The following STARD13 variants were observed in gnomAD, a reference collection of about 807,000 sequenced individuals.
The protein encoded by STARD13 is StAR related lipid transfer domain containing 13, also known as stAR-related lipid transfer protein 13.
A neutral mutation model predicts 106.4 loss-of-function variants in STARD13; 62 were observed. That is an observed-to-expected ratio of 0.58 (90% CI 0.48 to 0.72). The LOEUF (loss-of-function observed/expected upper bound fraction) is 0.72. Ranked by LOEUF, STARD13 falls within the 30% of genes least tolerant of loss-of-function variation. The probability of loss-of-function intolerance (pLI) is 0.00; values close to 1 mark genes in which losing one functional copy is unlikely to be tolerated. For synonymous variants in STARD13, 565 were observed against 553.0 expected (o/e 1.02, Z -0.31); for missense variants, 1,387 against 1,424.0 (o/e 0.97, Z 0.42).
chr13:33,316,019 T>C (rs1349165543), intron 1 of STARD13, among the ~76,000 whole-genome samples: 1 of 152,188 alleles, frequency 6.6e-6, no homozygotes, highest in East Asian at 1.9e-4. Flanking sequence ...ATTCTAAAAC[T>C]CAGATCTATG....
chr13:33,399,546 G>T, the STARD13 span, among the ~76,000 whole-genome samples: 1 of 151,404 alleles, frequency 6.6e-6, no homozygotes, highest in Admixed American at 6.6e-5. Flanking sequence ...TACAAAAAAA[G>T]AAAAATTAGC....
chr13:33,175,551 G>A (rs1329725381), intron 1 of STARD13, among the ~76,000 whole-genome samples: 2 of 152,162 alleles, frequency 1.3e-5, no homozygotes, highest in Non-Finnish European at 2.9e-5. Flanking sequence ...GAAAGGTGGT[G>A]AACAAGAGTC....
chr13:33,605,730 A>G, the STARD13 span, among the ~76,000 whole-genome samples: 1 of 152,168 alleles, frequency 6.6e-6, no homozygotes, highest in Non-Finnish European at 1.5e-5. Context: ...AAACATTGTT[A>G]GTGATGTGTA....
chr13:33,214,686 A>T (rs1450903043), intron 1 of STARD13, among the ~76,000 whole-genome samples: 1 of 125,526 alleles, frequency 8.0e-6, no homozygotes, highest in Non-Finnish European at 1.6e-5. Context: ...AGATACACAC[A>T]CACATGCACA....
the STARD13 span, among the ~76,000 whole-genome samples, chr13:33,665,291 G>C: frequency 6.6e-6 from 1 of 152,082 alleles, no homozygotes; most frequent in Non-Finnish European, 1.5e-5. Flanking sequence ...TGCCTCTGTG[G>C]CATTTTTCAT....
At chr13:33,406,410 A>G in the STARD13 span, among the ~76,000 whole-genome samples, 1 of 152,224 alleles carries the variant, frequency 6.6e-6, no homozygotes, top group Non-Finnish European at 1.5e-5. Context: ...TTTGCTGTGG[A>G]CACTGAATTT....
chr13:33,196,504 G>A (rs1433665888), intron 1 of STARD13, among the ~76,000 whole-genome samples: 5 of 152,196 alleles, frequency 3.3e-5, no homozygotes, highest in Non-Finnish European at 5.9e-5. Flanking sequence ...GCCTGCCAGT[G>A]GTTTCTGGGA....
At chr13:33,244,329 C>A (rs928898055) in intron 1 of STARD13, among the ~76,000 whole-genome samples, 1 of 151,880 alleles carries the variant, frequency 6.6e-6, no homozygotes, top group East Asian at 1.9e-4. Flanking sequence ...AATAGTAAAG[C>A]GACACTGGAA....
At chr13:33,138,583 G>A (rs1879374276) in intron 4 of STARD13, 1 of 203,450 alleles carries the variant, frequency 4.9e-6, no homozygotes, top group African/African-American at 2.4e-5. Flanking sequence ...AGCTGCAAAA[G>A]GCAACGCATC....
At position 33,105,451 on chromosome 13, in the gene STARD13, C is replaced by G. The variant is rs1873562504; in HGVS notation, c.*142G>C. On this transcript the variant is annotated 3_prime_UTR_variant, in exon 14 of 14. Coordinates refer to ENST00000336934, the MANE Select transcript of STARD13 (RefSeq NM_178006.4). ...TGGAAATTCTTGCATCTCCAACATT[C>G]CAACTTCTTAACGTTTCCATTTTTA... The G allele has an allele frequency of 4.9e-6, 3 of 616,156 alleles. No individual in the cohort carries two copies. Among genetic ancestry groups the G allele is most frequent in the Non-Finnish European group, 8.7e-6 (3 of 345,424 alleles). 38.2% of individuals were successfully genotyped at this position (616,156 alleles called of 1,614,324 possible). A position where few individuals can be genotyped will look rare whatever the true frequency, so the allele number is the denominator to read the frequency against.
At chr13:33,635,040 A>G in the STARD13 span, among the ~76,000 whole-genome samples, 1 of 152,186 alleles carries the variant, frequency 6.6e-6, no homozygotes, top group Non-Finnish European at 1.5e-5. Context: ...AGGTCTTTTT[A>G]AAGGCATTTT....
At chr13:33,586,319 G>A in the STARD13 span, among the ~76,000 whole-genome samples, 4 of 152,190 alleles carry the variant, frequency 2.6e-5, no homozygotes, top group Admixed American at 6.5e-5. Context: ...CATTATCCCA[G>A]GGTTATCGCC....
the STARD13 span, among the ~76,000 whole-genome samples, chr13:33,542,245 G>C: frequency 1.3e-5 from 2 of 152,100 alleles, no homozygotes; most frequent in South Asian, 2.1e-4. Flanking sequence ...GGATCAAGCC[G>C]GTTCACTAAG....
chr13:33,409,010 C>T, the STARD13 span, among the ~76,000 whole-genome samples: 1 of 151,500 alleles, frequency 6.6e-6, no homozygotes, highest in African/African-American at 2.4e-5. Flanking sequence ...CTCTCTCTGC[C>T]TCTCTTTTGC....
chr13:33,248,505 C>A (rs574417080), intron 1 of STARD13, among the ~76,000 whole-genome samples: 18 of 152,284 alleles, frequency 1.2e-4, no homozygotes, highest in African/African-American at 4.3e-4. Flanking sequence ...TGTTACCTAC[C>A]AGTTGGGGTC....
intron 1 of STARD13, among the ~76,000 whole-genome samples, chr13:33,231,148 G>A (rs2555593): frequency 0.41 from 62,576 of 152,034 alleles, 13,929 homozygotes; most frequent in African/African-American, 0.58. Flanking sequence ...GTAACTTCAA[G>A]TTTATCTCAA....
intron 1 of STARD13, among the ~76,000 whole-genome samples, chr13:33,188,638 G>A (rs1422798797): frequency 6.6e-6 from 1 of 152,172 alleles, no homozygotes; most frequent in African/African-American, 2.4e-5. Context: ...CTTTTGAAGA[G>A]GATTCAATTT....
the STARD13 span, among the ~76,000 whole-genome samples, chr13:33,660,924 G>A: frequency 6.6e-6 from 1 of 152,150 alleles, no homozygotes. Flanking sequence ...TCTTGGTAGG[G>A]TTGCCAAAAT....
chr13:33,269,986 C>T lies in STARD13; in HGVS notation c.169+15484G>A, dbSNP rs111332836. 6.8e-3 allele frequency among the ~76,000 whole-genome samples: 1,028 copies of T among 152,212 alleles called. 9 individuals carry two copies. The highest frequency in any genetic ancestry group is 0.024 in the African/African-American group (977 of 41,550). On this transcript the variant is annotated intron_variant, in intron 1 of 13. Transcript: ENST00000336934. Reference sequence around the variant, plus strand: ...CACAGTGGTTCACACCTGAAATCCCCGCACTTTGGGAGGCCGAGGTGGGTG... The same window carrying T: ...CACAGTGGTTCACACCTGAAATCCCTGCACTTTGGGAGGCCGAGGTGGGTG...
Sources: allele counts gnomAD v4.1 joint callset (sites outside exome capture counted in the v4.1 genomes callset), GRCh38; gene constraint gnomAD v4.1.1; transcripts MANE v1.5; gene names NCBI Gene and HGNC (gene_info 2026-07-23, HGNC 2026-07-21).